Variants in CFAP43 observed in about 807,000 individuals in gnomAD.
CFAP43 encodes cilia and flagella associated protein 43, also known as cilia- and flagella-associated protein 43.
A neutral mutation model predicts 218.9 loss-of-function variants in CFAP43; 155 were observed. The observed-to-expected ratio is 0.71, with a 90% CI of 0.62 to 0.81. The LOEUF (loss-of-function observed/expected upper bound fraction) is 0.81, where lower values mean the gene tolerates loss of function less well. Ranked by LOEUF, CFAP43 falls within the 30% of genes least tolerant of loss-of-function variation. CFAP43 has a pLI of 0.00. For missense variants in CFAP43, 1,778 were observed against 1,954.3 expected (o/e 0.91, Z 1.70); for synonymous variants, 645 against 681.3 (o/e 0.95, Z 0.83).
Position 104,182,368 on chromosome 10 carries a change from T to C in CFAP43, c.2287A>G (p.Thr763Ala), listed in dbSNP as rs1457275561. Residue 763 changes from threonine to alanine, a missense_variant and splice_region_variant, in exon 17 of 38, where the codon ACA becomes GCA. Physicochemically the swap from Thr to Ala is moderately conservative, Grantham distance 58. Around this residue, in one of 3 missense-constraint regions of CFAP43, gnomAD observed 1,553 missense variants for 1,685.2 expected, o/e 0.92. Coordinates refer to ENST00000357060, the MANE Select transcript of CFAP43 (RefSeq NM_025145.7). The part of the protein sequence containing the change: ...SVDLGSDSEH[T>A]KQKASTDLSQ... ...AGCTAGTCATATAGGAACTCAACTG[T>C]GTGTTCAGAATCGGATCCCAAATCT... The C allele has an allele frequency of 1.3e-6, 2 of 1,597,080 alleles. No homozygotes were observed. Among genetic ancestry groups the C allele is most frequent in the South Asian group, 2.3e-5 (2 of 87,086 alleles).
At chr10:104,196,507 T>C (rs775808709) in intron 10 of CFAP43, among the ~76,000 whole-genome samples, 2 of 152,172 alleles carry the variant, frequency 1.3e-5, no homozygotes, top group Non-Finnish European at 2.9e-5. Context: ...TATTCTTTGG[T>C]GGAACCCCCA....
intron 27 of CFAP43, among the ~76,000 whole-genome samples, chr10:104,152,954 TTAC>T (rs2088347968): frequency 6.6e-6 from 1 of 152,090 alleles, no homozygotes; most frequent in Non-Finnish European, 1.5e-5. Flanking sequence ...AAACTTAAAA[TTAC>T]TGATCATGGC....
chr10:104,207,722 T>C lies in CFAP43; in HGVS notation c.838A>G (p.Asn280Asp), dbSNP rs141961164. Residue 280 changes from asparagine (N) to aspartate (D), a missense_variant, in exon 6 of 38, where the codon AAT (asparagine) becomes GAT (aspartate). Asn to Asp is a conservative substitution (Grantham distance 23). Transcript: ENST00000357060. ...GCEEGHLLMI[N>D]GDTLQVTVLN... ...ACAGTCACTTGCAAGGTGTCTCCAT[T>C]AATCATTAAAAGATGACCCTCTTCA... 6.2e-7 allele frequency: 1 copy of C among 1,614,164 alleles called. No homozygotes were observed. Among genetic ancestry groups the C allele is most frequent in the Non-Finnish European group, 8.5e-7 (1 of 1,180,008 alleles).
chr10:104,161,097 T>A lies in CFAP43; in HGVS notation c.3480A>T (p.Gln1160His), dbSNP rs767148403. 2 of 1,613,598 alleles carry A rather than the reference T, an allele frequency of 1.2e-6. No individual in the cohort carries two copies. Among genetic ancestry groups the A allele is most frequent in the African/African-American group, 2.7e-5 (2 of 74,930 alleles). The change falls in exon 27 of 38, where the codon CAA (glutamine) becomes CAT (histidine). Residue 1160 changes from glutamine (Q) to histidine (H), a missense_variant. By Grantham distance (24) the Gln-to-His change is conservative (BLOSUM62 0). This residue lies in a region of CFAP43 where 1,553 missense variants were observed against 1,685.2 expected (regional missense o/e 0.92). Coordinates refer to ENST00000357060, the MANE Select transcript of CFAP43 (RefSeq NM_025145.7). ...TTACTTTTTTCTCATAATCTTTGAA[T>A]TGTTTTCTTTCTTCTTCAGTCCACA... ...DAVWTEEERKQFKDYEKKVKE... is the reference protein window; with the variant it reads ...DAVWTEEERKHFKDYEKKVKE...
At position 104,206,352 on chromosome 10, in the gene CFAP43, G is replaced by T. The variant is rs1344150811; in HGVS notation, c.896-322C>A. On this transcript the variant is annotated intron_variant, in intron 6 of 37. Transcript: ENST00000357060. ...CAATGGGGAAAACTTGCTGGAGGGG[G>T]TGGTATTTGAGCTGGGCATTGGCAG... 4.6e-5 allele frequency among the ~76,000 whole-genome samples: 7 copies of T among 152,180 alleles called. No homozygotes were observed. The East Asian group carries it at 1.2e-3, about 25-fold the overall frequency.
At chr10:104,161,309 G>T (rs1474945754) in intron 26 of CFAP43, 147 bp from the exon 27 acceptor site, 4 of 852,042 alleles carry the variant, frequency 4.7e-6, no homozygotes, top group Non-Finnish European at 6.9e-6. Flanking sequence ...TTGGGCAAAA[G>T]ATATTTTAAA....
At chr10:104,211,678 T>A (rs1181330314) in intron 5 of CFAP43, among the ~76,000 whole-genome samples, 1 of 152,074 alleles carries the variant, frequency 6.6e-6, no homozygotes, top group Non-Finnish European at 1.5e-5. Context: ...CAGTCCCACC[T>A]CTCCTCCCTA....
rs1038715618 is a variant in CFAP43 at position 104,166,343 on chromosome 10, A to G, written c.3039+145T>C. On this transcript the variant is annotated intron_variant, in intron 23 of 37. Transcript: ENST00000357060. Reference sequence around the variant, plus strand: ...TGCCTCGTCCTCCCAAAGTACTGGGATTACAGGTGTGAGCCACTGTGCCCA... The same window carrying G: ...TGCCTCGTCCTCCCAAAGTACTGGGGTTACAGGTGTGAGCCACTGTGCCCA... 3 of 637,372 alleles carry G rather than the reference A, an allele frequency of 4.7e-6. No individual in the cohort carries two copies. The South Asian group carries it at 6.0e-5, about 13-fold the overall frequency. 39.5% of individuals were successfully genotyped at this position (637,372 alleles called of 1,614,324 possible). A position where few individuals can be genotyped will look rare whatever the true frequency, so the allele number is the denominator to read the frequency against.
chr10:104,165,863 A>G (rs2089125744), intron 23 of CFAP43, among the ~76,000 whole-genome samples: 1 of 152,184 alleles, frequency 6.6e-6, no homozygotes, highest in Admixed American at 6.5e-5. Flanking sequence ...GTATACCGAG[A>G]AAACGGAATT....
rs745928778 is a variant in CFAP43 at position 104,193,984 on chromosome 10, G to C, written c.1324C>G (p.Leu442Val). ...ATVLACCPSS[L>V]SAAVGTEDGS... Reference sequence around the variant, plus strand: ...TCCTCCGTGCCCACGGCTGCAGAGAGGGAGGATGGACAGCAAGCCAGAACC... The same window carrying C: ...TCCTCCGTGCCCACGGCTGCAGAGACGGAGGATGGACAGCAAGCCAGAACC... Residue 442 changes from leucine to valine, a missense_variant, in exon 11 of 38, where the codon CTC becomes GTC. By Grantham distance (32) the Leu-to-Val change is conservative. This residue lies in a region of CFAP43 where 1,553 missense variants were observed against 1,685.2 expected (regional missense o/e 0.92). Transcript: ENST00000357060. 3 of 1,613,836 alleles carry C rather than the reference G, an allele frequency of 1.9e-6. No individual in the cohort carries two copies. The African/African-American group carries it at 4.0e-5, about 22-fold the overall frequency.
rs1379951824 is a variant in CFAP43 at position 104,225,503 on chromosome 10, A to G, written c.374T>C (p.Leu125Pro). 1 of 1,613,150 alleles carries G rather than the reference A, an allele frequency of 6.2e-7. No individual in the cohort carries two copies. Among genetic ancestry groups the G allele is most frequent in the South Asian group, 1.1e-5 (1 of 90,964 alleles). ...LLSFSYCGTYLASYSSLPEFE... is the reference protein window; with the variant it reads ...LLSFSYCGTYPASYSSLPEFE... ...TTCTGGGAGAGAGGAGTAACTAGCC[A>G]GGTAGGTGCCACAGTAACTGAATGA... The change falls in exon 3 of 38, where the codon CTG becomes CCG. Residue 125 changes from leucine to proline, a missense_variant. Transcript: ENST00000357060.
chr10:104,193,098 T>C (rs2090278371), intron 11 of CFAP43: 1 of 152,130 alleles, frequency 6.6e-6, no homozygotes, highest in Non-Finnish European at 1.5e-5. Flanking sequence ...ATATAATAAA[T>C]TAAAAAGAAA....
chr10:104,139,043 G>GTCTA (rs1011042044), intron 34 of CFAP43, among the ~76,000 whole-genome samples: 20 of 152,252 alleles, frequency 1.3e-4, no homozygotes, highest in South Asian at 2.1e-4. Context: ...CTATCTGTCT[G>GTCTA]TCTATCTATC....
chr10:104,164,104 T>C lies in CFAP43; in HGVS notation c.3236A>G (p.Gln1079Arg), dbSNP rs758077069. Residue 1079 changes from glutamine (Q) to arginine (R), a missense_variant, in exon 24 of 38, where the codon CAA becomes CGA. Coordinates refer to ENST00000357060, the MANE Select transcript of CFAP43 (RefSeq NM_025145.7). ...CEKPERTLVV[Q>R]DEEITAHKHI... ...ACAGCTAGCCAGTACCTCCTCATCTTGCACAACAAGCGTTCTCTCTGGCTT... is the reference window on the plus strand; with the variant it reads ...ACAGCTAGCCAGTACCTCCTCATCTCGCACAACAAGCGTTCTCTCTGGCTT... The C allele has an allele frequency of 6.2e-7, 1 of 1,614,188 alleles. No individual in the cohort carries two copies. The highest frequency in any genetic ancestry group is 8.5e-7 in the Non-Finnish European group (1 of 1,180,026).
intron 8 of CFAP43, chr10:104,203,398 AG>A (rs2090589500): frequency 5.2e-6 from 2 of 386,966 alleles, no homozygotes; most frequent in Non-Finnish European, 9.1e-6. Context: ...GAGAGGAAAC[AG>A]AGCCAAGAGA....
At position 104,131,353 on chromosome 10, in the gene CFAP43, T is replaced by C; in HGVS notation, c.4809A>G (p.Arg1603=). Residue 1603 remains arginine, a synonymous_variant, in exon 37 of 38, where the codon AGA becomes AGG. Coordinates refer to ENST00000357060, the MANE Select transcript of CFAP43 (RefSeq NM_025145.7). ...TACCCATTGCATTACAGATGTCTTTTCTCTCTGAGACAGCTACCAACTCTT... is the reference window on the plus strand; with the variant it reads ...TACCCATTGCATTACAGATGTCTTTCCTCTCTGAGACAGCTACCAACTCTT... ...LREELVAVSE[R]KDICNAMGSK... The C allele has an allele frequency of 6.2e-7, 1 of 1,611,464 alleles. No individual in the cohort carries two copies. The highest frequency in any genetic ancestry group is 1.3e-5 in the African/African-American group (1 of 74,858).
chr10:104,210,844 G>A (rs1038332329), intron 5 of CFAP43, among the ~76,000 whole-genome samples: 5 of 139,166 alleles, frequency 3.6e-5, no homozygotes, highest in African/African-American at 1.1e-4. Context: ...AGGCTGGAGT[G>A]CAGTGGCGTG....
chr10:104,180,532 G>A (rs1330371729), intron 17 of CFAP43, among the ~76,000 whole-genome samples: 2 of 146,576 alleles, frequency 1.4e-5, no homozygotes, highest in South Asian at 2.2e-4. Flanking sequence ...TGCAACCTCC[G>A]CCTCCTGGGT....
intron 19 of CFAP43, among the ~76,000 whole-genome samples, chr10:104,177,881 A>G (rs572760787): frequency 6.6e-6 from 1 of 152,316 alleles, no homozygotes; most frequent in East Asian, 1.9e-4. Context: ...ATGGTTATGA[A>G]TGTAGGATAA....
Sources: gnomAD v4.1 joint callset for allele counts (sites outside exome capture counted in the v4.1 genomes callset) on GRCh38, gnomAD v4.1.1 for gene constraint, gnomAD v4.1.1 regional missense constraint, MANE v1.5 for transcripts, NCBI Gene and HGNC (gene_info 2026-07-23, HGNC 2026-07-21) for gene names.